LINGO2: variants seen among roughly 807,000 people sequenced by gnomAD.
The protein encoded by LINGO2 is leucine-rich repeat and immunoglobulin-like domain-containing nogo receptor-interacting protein 2.
A neutral mutation model predicts 30.6 loss-of-function variants in LINGO2; 14 were observed. The observed-to-expected ratio is 0.46, with a 90% CI of 0.30 to 0.72. The LOEUF is 0.72. Ranked by LOEUF, LINGO2 falls within the 30% of genes least tolerant of loss-of-function variation. The pLI, the probability that LINGO2 is intolerant of heterozygous loss-of-function variation, is 0.07. For missense variants in LINGO2, 729 were observed against 751.7 expected, an observed-to-expected ratio of 0.97 and a Z score of 0.35; for synonymous variants, 317 against 288.5, an observed-to-expected ratio of 1.10 and a Z score of -1.00.
chr9:28,740,323 C>T, the LINGO2 span, among the ~76,000 whole-genome samples: 2 of 151,506 alleles, frequency 1.3e-5, no homozygotes, highest in Non-Finnish European at 2.9e-5. Context: ...TCTAGTGTTT[C>T]TATTCATTAT....
chr9:28,980,708 A>G, the LINGO2 span, among the ~76,000 whole-genome samples: 2 of 152,098 alleles, frequency 1.3e-5, no homozygotes, highest in Admixed American at 1.3e-4. Flanking sequence ...GAGTCCTCTG[A>G]GTCCACTCCA....
chr9:28,883,359 C>T, the LINGO2 span, among the ~76,000 whole-genome samples: 129,057 of 151,476 alleles, frequency 0.85, 55,142 homozygotes, highest in Non-Finnish European at 0.89. Context: ...AATTGCTGTA[C>T]GTGTTGCTAT....
At chr9:28,019,661 T>C (rs1823017328) in intron 4 of LINGO2, among the ~76,000 whole-genome samples, 1 of 152,134 alleles carries the variant, frequency 6.6e-6, no homozygotes, top group Admixed American at 6.5e-5. Context: ...ATTTATTCTT[T>C]TTGCTTATCT....
the LINGO2 span, among the ~76,000 whole-genome samples, chr9:28,824,341 T>A: frequency 2.0e-5 from 3 of 152,136 alleles, no homozygotes; most frequent in Non-Finnish European, 4.4e-5. Flanking sequence ...AACCAAGAGA[T>A]AAGCCCAATT....
the LINGO2 span, among the ~76,000 whole-genome samples, chr9:28,854,712 G>A: frequency 2.0e-5 from 3 of 151,794 alleles, no homozygotes; most frequent in Admixed American, 6.6e-5. Context: ...TCAAAATTCA[G>A]GTGACAGTTT....
At chr9:28,214,107 T>C (rs1234705104) in intron 4 of LINGO2, among the ~76,000 whole-genome samples, 1 of 151,586 alleles carries the variant, frequency 6.6e-6, no homozygotes, top group Non-Finnish European at 1.5e-5. Flanking sequence ...ACAATTTTAA[T>C]ATTGGAGTAG....
chr9:29,163,514 T>C, the LINGO2 span, among the ~76,000 whole-genome samples: 25 of 152,316 alleles, frequency 1.6e-4, 1 homozygote, highest in East Asian at 4.8e-3. Context: ...ATTCTCATGA[T>C]TTCTACTATA....
chr9:28,628,287 T>C (rs1826775941), intron 1 of LINGO2, among the ~76,000 whole-genome samples: 1 of 152,092 alleles, frequency 6.6e-6, no homozygotes, highest in Non-Finnish European at 1.5e-5. Context: ...TAATATATCT[T>C]TGAAGACAGG....
chr9:28,069,187 A>T (rs1252632422), intron 4 of LINGO2, among the ~76,000 whole-genome samples: 1 of 152,142 alleles, frequency 6.6e-6, no homozygotes, highest in Non-Finnish European at 1.5e-5. Flanking sequence ...AGGTGAAATG[A>T]GGATGTAAGC....
chr9:28,770,512 G>A, the LINGO2 span, among the ~76,000 whole-genome samples: 5 of 152,150 alleles, frequency 3.3e-5, no homozygotes, highest in African/African-American at 1.2e-4. Context: ...CATTTTACAT[G>A]AGGGTTTGGA....
At chr9:28,630,041 G>C (rs1448526822) in intron 1 of LINGO2, among the ~76,000 whole-genome samples, 3 of 151,586 alleles carry the variant, frequency 2.0e-5, no homozygotes, top group Non-Finnish European at 4.4e-5. Flanking sequence ...TTGTTCTTGG[G>C]ATAGTTTACT....
At position 28,532,812 on chromosome 9, in the gene LINGO2, C is replaced by T. The variant is rs187451382; in HGVS notation, c.-364-56787G>A. ...CCTTCTGACTACAAGTATCTCTACCCTGAGAGTTCCTGTAAATTGGGTTTT... is the reference window on the plus strand; with the variant it reads ...CCTTCTGACTACAAGTATCTCTACCTTGAGAGTTCCTGTAAATTGGGTTTT... On this transcript the variant is annotated intron_variant, in intron 1 of 5. Transcript: ENST00000379992. Among the ~76,000 whole-genome samples the T allele has an allele frequency of 4.1e-3, 624 of 152,072 alleles. 2 individuals are homozygous for T. Among genetic ancestry groups the T allele is most frequent in the Non-Finnish European group, 6.0e-3 (411 of 67,994 alleles).
At chr9:28,392,470 C>G (rs1821877957) in intron 2 of LINGO2, among the ~76,000 whole-genome samples, 1 of 152,092 alleles carries the variant, frequency 6.6e-6, no homozygotes, top group South Asian at 2.1e-4. Flanking sequence ...AATCATAGTT[C>G]CACCTCATAT....
intron 4 of LINGO2, among the ~76,000 whole-genome samples, chr9:28,258,743 A>G (rs1249807422): frequency 1.3e-5 from 2 of 151,920 alleles, no homozygotes; most frequent in African/African-American, 4.8e-5. Flanking sequence ...AGACATTGGG[A>G]TATTATTTTT....
chr9:29,136,012 T>A, the LINGO2 span, among the ~76,000 whole-genome samples: 9 of 152,318 alleles, frequency 5.9e-5, no homozygotes, highest in African/African-American at 2.2e-4. Context: ...TGACCCAACA[T>A]GGCCAGCTCA....
intron 4 of LINGO2, among the ~76,000 whole-genome samples, chr9:28,045,223 G>A (rs1462547802): frequency 2.0e-5 from 3 of 151,908 alleles, no homozygotes; most frequent in Admixed American, 6.6e-5. Context: ...AGAAACAGAT[G>A]GAAAACAAAT....
At chr9:28,586,151 C>A (rs915446792) in intron 1 of LINGO2, among the ~76,000 whole-genome samples, 8 of 151,876 alleles carry the variant, frequency 5.3e-5, no homozygotes, top group African/African-American at 1.9e-4. Flanking sequence ...ATTCAGCCAC[C>A]GTGGAACATA....
intron 3 of LINGO2, among the ~76,000 whole-genome samples, chr9:28,316,262 G>A (rs1260779687): frequency 6.6e-6 from 1 of 151,732 alleles, no homozygotes; most frequent in Admixed American, 6.6e-5. Context: ...TTTAATGACT[G>A]TACAATGAAA....
chr9:28,163,741 G>A (rs545093806), intron 4 of LINGO2, among the ~76,000 whole-genome samples: 1 of 152,248 alleles, frequency 6.6e-6, no homozygotes, highest in East Asian at 1.9e-4. Context: ...GACACGGTCT[G>A]TTTGATTCAA....
Sources: gnomAD v4.1 joint callset for allele counts (sites outside exome capture counted in the v4.1 genomes callset) on GRCh38, gnomAD v4.1.1 for gene constraint, MANE v1.5 for transcripts, NCBI Gene and HGNC (gene_info 2026-07-23, HGNC 2026-07-21) for gene names.